ABHD12: variants seen among roughly 807,000 people sequenced by gnomAD.
ABHD12 encodes lysophosphatidylserine lipase ABHD12.
ABHD12 carries 43 observed loss-of-function variants against 58.3 expected under a neutral mutation model. The ratio of observed to expected loss-of-function variants is 0.74; its 90% confidence interval spans 0.58 to 0.95. The LOEUF is 0.95. Among genes scored for constraint, ABHD12 ranks in the 40% least tolerant of loss-of-function variants. The probability of loss-of-function intolerance (pLI) is 0.00; values close to 1 mark genes in which losing one functional copy is unlikely to be tolerated. For synonymous variants in ABHD12, 219 were observed against 211.2 expected, an observed-to-expected ratio of 1.04 and a Z score of -0.32; for missense variants, 539 against 537.2, an observed-to-expected ratio of 1.00 and a Z score of -0.03.
At position 25,317,069 on chromosome 20, in the gene ABHD12, G is replaced by C. The variant is rs767715448; in HGVS notation, c.552C>G (p.Asp184Glu). ...LHGNAGTRGG[D>E]HRVELYKVLS... ...TCACCTTGTAAAGCTCCACGCGGTG[G>C]TCGCCTCCTCTGGAGAAGAAAACAG... The change falls in exon 5 of 13, where the codon GAC becomes GAG. Residue 184 changes from aspartate to glutamate, a missense_variant. Physicochemically the swap from Asp to Glu is conservative, Grantham distance 45. Transcript: ENST00000339157. 5.0e-6 allele frequency: 8 copies of C among 1,612,540 alleles called. No individual in the cohort carries two copies. The South Asian group carries it at 8.8e-5, about 18-fold the overall frequency.
At chr20:25,310,243 G>A (rs765986406) in intron 6 of ABHD12, 1 of 152,726 alleles carries the variant, frequency 6.5e-6, no homozygotes, top group Non-Finnish European at 1.5e-5. Flanking sequence ...ACAGGGAGTG[G>A]AGTCCGGAGG....
At chr20:25,329,733 T>A (rs1312983662) in intron 2 of ABHD12, among the ~76,000 whole-genome samples, 1 of 152,232 alleles carries the variant, frequency 6.6e-6, no homozygotes, top group Non-Finnish European at 1.5e-5. Context: ...GCAGCCTTGA[T>A]ACCGGCAGCC....
intron 2 of ABHD12, among the ~76,000 whole-genome samples, chr20:25,338,314 A>T (rs2089406118): frequency 6.6e-6 from 1 of 152,110 alleles, no homozygotes; most frequent in South Asian, 2.1e-4. Flanking sequence ...GGCCAGACTC[A>T]CTATGTGCAA....
chr20:25,364,087 A>C (rs117221452), intron 1 of ABHD12, among the ~76,000 whole-genome samples: 2 of 152,178 alleles, frequency 1.3e-5, no homozygotes, highest in Admixed American at 1.3e-4. Context: ...CCTGATCATC[A>C]GGACAGGTCA....
intron 1 of ABHD12, among the ~76,000 whole-genome samples, chr20:25,361,426 C>G (rs2089746321): frequency 6.6e-6 from 1 of 151,900 alleles, no homozygotes; most frequent in Non-Finnish European, 1.5e-5. Flanking sequence ...GACAGAGTCT[C>G]ACTTGCTCAC....
Position 25,303,553 on chromosome 20 carries a change from T to A in ABHD12, c.1026A>T (p.Arg342Ser). 6.2e-7 allele frequency: 1 copy of A among 1,613,592 alleles called. No individual in the cohort carries two copies. The highest frequency in any genetic ancestry group is 1.3e-5 in the African/African-American group (1 of 75,050). The change falls in exon 11 of 13, where the codon AGA becomes AGT. Residue 342 changes from arginine (R) to serine (S), a missense_variant. Transcript: ENST00000339157. The part of the protein sequence containing the change: ...DDPVVPFQLG[R>S]KLYSIAAPAR... ...AGAGGCAGAGGCCAGGACCCACCTTTCTGCCAAGCTGGAAGGGCACCACCG... is the reference window on the plus strand; with the variant it reads ...AGAGGCAGAGGCCAGGACCCACCTTACTGCCAAGCTGGAAGGGCACCACCG...
intron 1 of ABHD12, among the ~76,000 whole-genome samples, chr20:25,349,905 T>TTA (rs1264334930): frequency 1.3e-5 from 2 of 152,198 alleles, no homozygotes; most frequent in Non-Finnish European, 2.9e-5. Flanking sequence ...AAGTTTTATG[T>TTA]TATATATATT....
chr20:25,300,787 G>A lies in ABHD12; in HGVS notation c.*58C>T. On this transcript the variant is annotated 3_prime_UTR_variant, in exon 13 of 13. Transcript: ENST00000339157. ...CGGGGCTTCAGGATACCGGGCTGCTGACTGGAGGAAAACGGGAGGAGGGCA... is the reference window on the plus strand; with the variant it reads ...CGGGGCTTCAGGATACCGGGCTGCTAACTGGAGGAAAACGGGAGGAGGGCA... The A allele has an allele frequency of 3.1e-6, 5 of 1,613,518 alleles. No individual in the cohort carries two copies. Among genetic ancestry groups the A allele is most frequent in the Non-Finnish European group, 4.2e-6 (5 of 1,179,782 alleles).
At chr20:25,372,980 A>G (rs1395065736) in intron 1 of ABHD12, among the ~76,000 whole-genome samples, 1 of 152,076 alleles carries the variant, frequency 6.6e-6, no homozygotes, top group Non-Finnish European at 1.5e-5. Flanking sequence ...TACCTTTTCT[A>G]TGTGTAGATA....
chr20:25,327,943 G>A (rs746728854), intron 2 of ABHD12, among the ~76,000 whole-genome samples: 6 of 152,086 alleles, frequency 3.9e-5, no homozygotes, highest in Non-Finnish European at 8.8e-5. Context: ...CCGACTCAGC[G>A]CAAGAAGACA....
chr20:25,322,459 A>G (rs1042552271), intron 3 of ABHD12, among the ~76,000 whole-genome samples: 2 of 145,028 alleles, frequency 1.4e-5, no homozygotes, highest in African/African-American at 2.6e-5. Context: ...AGCTCACTGC[A>G]GCCTCTGCCT....
chr20:25,328,418 G>C (rs2089212576), intron 2 of ABHD12, among the ~76,000 whole-genome samples: 1 of 152,124 alleles, frequency 6.6e-6, no homozygotes, highest in Non-Finnish European at 1.5e-5. Context: ...CCCACATCTA[G>C]ACCCACTCAG....
chr20:25,353,755 T>C lies in ABHD12; in HGVS notation c.192-14404A>G, dbSNP rs190024506. ...AAATTTGTCTTGGGCCTAGAGACCA[T>C]AGCCTGCCTGGGCCAACGGCTGTCT... On this transcript the variant is annotated intron_variant, in intron 1 of 12. Coordinates refer to ENST00000339157, the MANE Select transcript of ABHD12 (RefSeq NM_001042472.3). Among the ~76,000 whole-genome samples, 5 of 152,346 alleles carry C rather than the reference T, an allele frequency of 3.3e-5. No homozygotes were observed. The East Asian group carries it at 5.8e-4, about 18-fold the overall frequency.
chr20:25,330,069 G>A (rs1456164223), intron 2 of ABHD12, among the ~76,000 whole-genome samples: 1 of 152,186 alleles, frequency 6.6e-6, no homozygotes, highest in Non-Finnish European at 1.5e-5. Context: ...ATCTCACTAG[G>A]GAGTGCCAGA....
intron 1 of ABHD12, among the ~76,000 whole-genome samples, chr20:25,379,225 C>T (rs1041859644): frequency 2.0e-5 from 3 of 152,176 alleles, no homozygotes; most frequent in Admixed American, 1.3e-4. Context: ...CACAGCAGGT[C>T]GTGACTGAAA....
downstream of ABHD12, chr20:25,296,324 C>G (rs750678813): frequency 6.2e-7 from 1 of 1,609,808 alleles, no homozygotes; most frequent in East Asian, 2.2e-5. Flanking sequence ...TTTAGCAGCC[C>G]CAAGCCCTGT....
chr20:25,322,109 C>T (rs902204372), intron 3 of ABHD12, among the ~76,000 whole-genome samples: 3 of 151,966 alleles, frequency 2.0e-5, no homozygotes, highest in Non-Finnish European at 2.9e-5. Context: ...CAGAGAAAAA[C>T]GGAAATGCTA....
chr20:25,363,876 CA>C (rs1191277494), intron 1 of ABHD12, among the ~76,000 whole-genome samples: 1 of 151,308 alleles, frequency 6.6e-6, no homozygotes, highest in Non-Finnish European at 1.5e-5. Context: ...AAAAAAACAA[CA>C]AAAAAAAGAA....
intron 1 of ABHD12, among the ~76,000 whole-genome samples, chr20:25,384,581 C>T (rs1223249518): frequency 1.3e-5 from 2 of 151,780 alleles, no homozygotes; most frequent in Non-Finnish European, 2.9e-5. Flanking sequence ...TCTGTCTCTA[C>T]AAAAAATACA....
Sources: allele counts gnomAD v4.1 joint callset (sites outside exome capture counted in the v4.1 genomes callset), GRCh38; gene constraint gnomAD v4.1.1; transcripts MANE v1.5; gene names NCBI Gene and HGNC (gene_info 2026-07-23, HGNC 2026-07-21).